TBPL2: variants seen among roughly 807,000 people sequenced by gnomAD.
TBPL2 encodes TATA-box binding protein like 2.
In TBPL2, 40 loss-of-function variants were observed where a neutral mutation model predicts 38.2. That is an observed-to-expected ratio of 1.05 (90% CI 0.81 to 1.36). The LOEUF is 1.36. TBPL2 is among the 40% of genes most tolerant of loss of function. TBPL2 has a pLI of 0.00. For synonymous variants in TBPL2, 169 were observed against 171.7 expected (o/e 0.98, Z 0.12); for missense variants, 461 against 456.7 (o/e 1.01, Z -0.09).
At chr14:55,434,014 G>A in intron 3 of TBPL2, among the ~76,000 whole-genome samples, 1 of 152,012 alleles carries the variant, frequency 6.6e-6, no homozygotes, top group East Asian at 1.9e-4. Context: ...TAGTGCTCAG[G>A]GAAAACAAGT....
At chr14:55,439,620 C>CCCCCCG (rs1566596499) in intron 1 of TBPL2, among the ~76,000 whole-genome samples, 2 of 134,284 alleles carry the variant, frequency 1.5e-5, no homozygotes, top group African/African-American at 5.6e-5. Flanking sequence ...GCAAACCCCC[C>CCCCCCG]CCCGTCTCTA....
intron 6 of TBPL2, among the ~76,000 whole-genome samples, chr14:55,422,895 C>T (rs1331613501): frequency 6.6e-6 from 1 of 151,750 alleles, no homozygotes; most frequent in African/African-American, 2.4e-5. Context: ...ATATAGCAAC[C>T]TTCTGTAGAA....
intron 6 of TBPL2, among the ~76,000 whole-genome samples, chr14:55,417,762 A>G (rs1207369220): frequency 6.6e-6 from 1 of 152,168 alleles, no homozygotes; most frequent in Non-Finnish European, 1.5e-5. Context: ...AGCAAAACTT[A>G]CCATTCCTTT....
chr14:55,429,267 C>G (rs1448024363), intron 4 of TBPL2, among the ~76,000 whole-genome samples: 1 of 152,172 alleles, frequency 6.6e-6, no homozygotes, highest in Non-Finnish European at 1.5e-5. Flanking sequence ...AAAACGATTC[C>G]AAGGATTCGC....
chr14:55,414,596 G>A (rs981063919), intron 6 of TBPL2, 141 bp from the exon 7 acceptor site: 9 of 621,520 alleles, frequency 1.4e-5, no homozygotes, highest in East Asian at 1.2e-4. Context: ...CATTTATTCC[G>A]GGTAAATAAT....
exon 1 of TBPL2, chr14:55,440,481 G>A: frequency 3.1e-6 from 5 of 1,612,658 alleles, no homozygotes; most frequent in South Asian, 2.2e-5. Flanking sequence ...GGGTGGGGGC[G>A]GGTAAGAGGG....
At chr14:55,438,265 C>G (rs1207393464) in intron 1 of TBPL2, among the ~76,000 whole-genome samples, 1 of 152,206 alleles carries the variant, frequency 6.6e-6, no homozygotes, top group Non-Finnish European at 1.5e-5. Context: ...TCTGTTACTA[C>G]AAGTCCAGCA....
At chr14:55,433,448 T>C (rs1434425644) in intron 4 of TBPL2, among the ~76,000 whole-genome samples, 182 bp downstream of exon 4, 1 of 151,912 alleles carries the variant, frequency 6.6e-6, no homozygotes, top group African/African-American at 2.4e-5. Context: ...CCACCATGCC[T>C]GGCCCAAGTC....
chr14:55,426,283 A>G (rs1021205900), intron 5 of TBPL2, among the ~76,000 whole-genome samples: 1 of 151,952 alleles, frequency 6.6e-6, no homozygotes, highest in African/African-American at 2.4e-5. Flanking sequence ...AAAAAAATAA[A>G]TAAATAAAAT....
At chr14:55,429,882 G>C (rs1267586555) in intron 4 of TBPL2, among the ~76,000 whole-genome samples, 1 of 150,002 alleles carries the variant, frequency 6.7e-6, no homozygotes, top group Non-Finnish European at 1.5e-5. Flanking sequence ...CACAGACAAG[G>C]TATCAGTTCT....
intron 4 of TBPL2, among the ~76,000 whole-genome samples, chr14:55,432,380 T>C (rs1885943263): frequency 6.8e-6 from 1 of 147,824 alleles, no homozygotes; most frequent in African/African-American, 2.5e-5. Context: ...ACCACTGCAC[T>C]CCATCCTGGA....
rs141892885 is a variant in TBPL2, at chr14:55,424,445, A to G, written c.957-192T>C. Among the ~76,000 whole-genome samples the G allele has an allele frequency of 3.9e-5, 6 of 152,336 alleles. No individual in the cohort carries two copies. In the South Asian group the frequency reaches 6.2e-4, roughly 16 times the overall value. On this transcript the variant is annotated intron_variant, in intron 5 of 6. Coordinates refer to ENST00000247219, the Ensembl canonical transcript of TBPL2. ...GTAATATCTTATGGAAGTTAGGAAC[A>G]TAATTAATTTTGGGTCATAACACAA...
rs779888445 is a variant in TBPL2 at position 55,440,398 on chromosome 14, G to T, written c.148C>A (p.Gln50Lys). 4 of 1,613,052 alleles carry T rather than the reference G, an allele frequency of 2.5e-6. No individual in the cohort carries two copies. In the South Asian group the frequency reaches 4.4e-5, roughly 18 times the overall value. The change falls in exon 1 of 7, where the codon CAG becomes AAG. Residue 50 changes from glutamine to lysine, a missense_variant and splice_region_variant. Coordinates refer to ENST00000247219, the Ensembl canonical transcript of TBPL2. ...TGGGACAGTGGCGGCAGCCTCACCT[G>T]AGCGGCGCACTGGTCCAGGTAGAGC...
chr14:55,425,591 G>C (rs928527611), intron 5 of TBPL2, among the ~76,000 whole-genome samples: 7 of 152,152 alleles, frequency 4.6e-5, no homozygotes, highest in Non-Finnish European at 8.8e-5. Context: ...AGTGGTTTTG[G>C]TTAGGGATGG....
At chr14:55,436,846 T>G in exon 2 of TBPL2, 2 of 1,614,244 alleles carry the variant, frequency 1.2e-6, no homozygotes, top group Non-Finnish European at 1.7e-6. Flanking sequence ...TTTATTTTCC[T>G]GGGTAACTTC....
Position 55,440,303 on chromosome 14 carries a change from G to T in TBPL2, c.150+93C>A, listed in dbSNP as rs1315622050. 6 of 1,465,274 alleles carry T rather than the reference G, an allele frequency of 4.1e-6. No individual in the cohort carries two copies. The Admixed American group carries it at 1.0e-4, about 25-fold the overall frequency. 90.8% of individuals were successfully genotyped at this position (1,465,274 alleles called of 1,614,324 possible). On this transcript the variant is annotated intron_variant, in intron 1 of 6. Transcript: ENST00000247219. ...GAAACCAAGCCCGCCTCTTATGGTC[G>T]CTATGAGTTTTAAGAGGAACGAAGG... is the stretch of plus-strand genomic sequence containing the variant.
intron 6 of TBPL2, among the ~76,000 whole-genome samples, chr14:55,423,899 A>G (rs1036434121): frequency 6.6e-6 from 1 of 152,230 alleles, no homozygotes; most frequent in Admixed American, 6.5e-5. Flanking sequence ...TTTAAGCCAT[A>G]TATGTTATCA....
intron 5 of TBPL2, among the ~76,000 whole-genome samples, chr14:55,424,544 T>C (rs1885791940): frequency 6.6e-6 from 1 of 152,214 alleles, no homozygotes; most frequent in African/African-American, 2.4e-5. Context: ...TGAGAGCTTG[T>C]TGGTTAAACA....
At chr14:55,429,112 A>C in intron 4 of TBPL2, 138 bp from the exon 5 acceptor site, 1 of 1,049,698 alleles carries the variant, frequency 9.5e-7, no homozygotes, top group South Asian at 1.7e-5. Context: ...TGTGAGGAGG[A>C]CTTACTTCCC....
Sources: gnomAD v4.1 joint callset for allele counts (sites outside exome capture counted in the v4.1 genomes callset) on GRCh38, gnomAD v4.1.1 for gene constraint, MANE v1.5 for transcripts, NCBI Gene and HGNC (gene_info 2026-07-23, HGNC 2026-07-21) for gene names.